INTU: variants seen among roughly 807,000 people sequenced by gnomAD.
INTU encodes protein inturned.
INTU carries 68 observed loss-of-function variants against 100.5 expected under a neutral mutation model. That is an observed-to-expected ratio of 0.68 (90% CI 0.56 to 0.83). INTU has a LOEUF of 0.83. INTU is among the 40% of genes least tolerant of loss of function. The probability of loss-of-function intolerance (pLI) is 0.00; values close to 1 mark genes in which losing one functional copy is unlikely to be tolerated. For missense variants in INTU, 1,071 were observed against 1,114.7 expected, an observed-to-expected ratio of 0.96 and a Z score of 0.56; for synonymous variants, 357 against 395.7, an observed-to-expected ratio of 0.90 and a Z score of 1.16.
chr4:127,709,430 C>T (rs1043826022), intron 13 of INTU, among the ~76,000 whole-genome samples: 1 of 152,148 alleles, frequency 6.6e-6, no homozygotes, highest in African/African-American at 2.4e-5. Context: ...TGTCCCATAA[C>T]ACTCTCTTTA....
At chr4:127,687,641 CA>C in intron 7 of INTU, 36 bp from the exon 8 acceptor site, 2 of 1,547,286 alleles carry the variant, frequency 1.3e-6, no homozygotes, top group Non-Finnish European at 1.8e-6. Context: ...CCACCATTTC[CA>C]TATGTCGTTC....
chr4:127,704,851 G>T (rs936958432), intron 10 of INTU, among the ~76,000 whole-genome samples: 4 of 151,990 alleles, frequency 2.6e-5, no homozygotes, highest in African/African-American at 9.7e-5. Flanking sequence ...ACTTTGGGGG[G>T]CCGAGGCAGG....
At chr4:127,641,025 C>G (rs1727308275) in intron 1 of INTU, among the ~76,000 whole-genome samples, 1 of 152,016 alleles carries the variant, frequency 6.6e-6, no homozygotes, top group African/African-American at 2.4e-5. Context: ...CTCTCTCTCT[C>G]TCTCCCCACC....
At chr4:127,708,204 G>T (rs1730965295) in intron 12 of INTU, among the ~76,000 whole-genome samples, 1 of 152,194 alleles carries the variant, frequency 6.6e-6, no homozygotes, top group Non-Finnish European at 1.5e-5. Context: ...AACAAAGGTT[G>T]ATTGAATACC....
chr4:127,677,130 A>T (rs1729246418), intron 6 of INTU, among the ~76,000 whole-genome samples: 1 of 152,226 alleles, frequency 6.6e-6, no homozygotes, highest in Non-Finnish European at 1.5e-5. Context: ...CCACAGCTCA[A>T]GGAGGCCTGC....
intron 2 of INTU, among the ~76,000 whole-genome samples, chr4:127,651,302 G>A (rs1388933163): frequency 2.0e-5 from 3 of 152,180 alleles, no homozygotes; most frequent in Non-Finnish European, 4.4e-5. Context: ...CCGTGCCTAT[G>A]TCTTGAATGG....
rs1731378766 is a variant in INTU at position 127,723,647 on chromosome 4, CTTTA to C, written c.*7215_*7218del. The C allele has an allele frequency of 6.6e-6, 1 of 151,688 alleles. No individual in the cohort carries two copies. Among genetic ancestry groups the C allele is most frequent in the Non-Finnish European group, 1.5e-5 (1 of 67,924 alleles). The allele number at this position is 151,688 out of a possible 1,614,324, so 9.4% of individuals were successfully genotyped here. A position where few individuals can be genotyped will look rare whatever the true frequency, so the allele number is the denominator to read the frequency against. On this transcript the variant is annotated 3_prime_UTR_variant, in exon 16 of 16. Coordinates refer to ENST00000335251, the MANE Select transcript of INTU (RefSeq NM_015693.4). ...ATGTATTTTTTAAACTATTTGTCAA[CTTTA>C]TTTTTTTTTGTTTGTTTTTGTTAAA...
intron 6 of INTU, among the ~76,000 whole-genome samples, chr4:127,674,702 G>A (rs750847385): frequency 4.6e-5 from 7 of 152,058 alleles, no homozygotes; most frequent in Non-Finnish European, 1.0e-4. Context: ...TTTTTTGTGA[G>A]TATTTTGAAG....
intron 9 of INTU, 71 bp from the exon 10 acceptor site, chr4:127,704,157 A>T: frequency 1.6e-6 from 2 of 1,266,368 alleles, no homozygotes; most frequent in Non-Finnish European, 2.3e-6. Flanking sequence ...CATTTTAACT[A>T]TTATAGCTTA....
intron 8 of INTU, among the ~76,000 whole-genome samples, chr4:127,697,712 G>T (rs1053964608): frequency 2.6e-5 from 4 of 152,058 alleles, no homozygotes; most frequent in African/African-American, 2.4e-5. Context: ...TTCATCTGTT[G>T]ATGAACACTT....
chr4:127,681,166 G>A (rs1729524247), intron 6 of INTU, among the ~76,000 whole-genome samples: 1 of 152,126 alleles, frequency 6.6e-6, no homozygotes, highest in Admixed American at 6.6e-5. Context: ...TCATGAAAAT[G>A]GCCATACTGC....
chr4:127,706,481 C>T lies in INTU; in HGVS notation c.1789-6C>T, dbSNP rs1331559881. 2 of 1,586,316 alleles carry T rather than the reference C, an allele frequency of 1.3e-6. No homozygotes were observed. Among genetic ancestry groups the T allele is most frequent in the South Asian group, 1.1e-5 (1 of 87,000 alleles). Reference sequence around the variant, plus strand: ...AAACCTACATTTGTAATTTTTTTCCCTATAGAAACATTATATGCTATGTGT... The same window carrying T: ...AAACCTACATTTGTAATTTTTTTCCTTATAGAAACATTATATGCTATGTGT... On this transcript the variant is annotated splice_polypyrimidine_tract_variant and splice_region_variant and intron_variant, in intron 11 of 15. Transcript: ENST00000335251.
chr4:127,663,320 G>A, intron 3 of INTU, 61 bp from the exon 4 acceptor site: 2 of 1,254,244 alleles, frequency 1.6e-6, no homozygotes, highest in South Asian at 1.3e-5. Flanking sequence ...ATCCTTCATT[G>A]TGAAAACTGC....
In INTU at chr4:127,718,244, T is replaced by C. The variant is rs2148742844; in HGVS notation, c.*1808T>C. 1 of 152,310 alleles carries C rather than the reference T, an allele frequency of 6.6e-6. No homozygotes were observed. The highest frequency in any genetic ancestry group is 1.9e-4 in the East Asian group (1 of 5,192). 9.4% of individuals were successfully genotyped at this position (152,310 alleles called of 1,614,324 possible). On this transcript the variant is annotated 3_prime_UTR_variant, in exon 16 of 16. Transcript: ENST00000335251. ...GCACCATTTATTAAATAAGGAATCC[T>C]TTCCCCATTGCTTGTTTTTCTCAGG...
At position 127,691,962 on chromosome 4, in the gene INTU, G is replaced by GTGTATATATATATATATATATA; in HGVS notation, c.1449+4096_1449+4097insGTATATATATATATATATATAT. On this transcript the variant is annotated intron_variant, in intron 8 of 15. Transcript: ENST00000335251. Reference sequence around the variant, plus strand: ...GGCGGAGTATAGTGTTCCATGGTATGTATATATATATATATATATGTCACA... The same window carrying GTGTATATATATATATATATATA: ...GGCGGAGTATAGTGTTCCATGGTATGTGTATATATATATATATATATATATATATATATATATATATGTCACA... Among the ~76,000 whole-genome samples, 772 of 98,102 alleles carry GTGTATATATATATATATATATA rather than the reference G, an allele frequency of 7.9e-3. 87 individuals carry two copies. Among genetic ancestry groups the GTGTATATATATATATATATATA allele is most frequent in the Non-Finnish European group, 0.011 (533 of 46,574 alleles). The allele number at this position is 98,102 out of a possible 152,430, so 64.4% of individuals were successfully genotyped here. A position where few individuals can be genotyped will look rare whatever the true frequency, so the allele number is the denominator to read the frequency against.
intron 8 of INTU, among the ~76,000 whole-genome samples, chr4:127,694,511 G>C (rs1730296904): frequency 6.6e-6 from 1 of 151,944 alleles, no homozygotes; most frequent in Non-Finnish European, 1.5e-5. Flanking sequence ...TCTTTTCAAA[G>C]AACCGGATTA....
chr4:127,635,779 C>T (rs1431209416), intron 1 of INTU, among the ~76,000 whole-genome samples: 1 of 152,206 alleles, frequency 6.6e-6, no homozygotes, highest in Non-Finnish European at 1.5e-5. Context: ...GCCTAAGAGT[C>T]TCCCCATGTA....
chr4:127,705,725 T>C lies in INTU; in HGVS notation c.1701T>C (p.Pro567=), dbSNP rs1421929677. Reference sequence around the variant, plus strand: ...TGATCATATGGAGAGAAGTGTTTCCTCAGCATCACCTCCGACCTTTGGCAG... The same window carrying C: ...TGATCATATGGAGAGAAGTGTTTCCCCAGCATCACCTCCGACCTTTGGCAG... ...GQLIIWREVF[P]QHHLRPLADS... The change falls in exon 11 of 16, where the codon CCT becomes CCC. Residue 567 remains proline, a synonymous_variant. Coordinates refer to ENST00000335251, the MANE Select transcript of INTU (RefSeq NM_015693.4). 1 of 1,614,064 alleles carries C rather than the reference T, an allele frequency of 6.2e-7. No homozygotes were observed. The highest frequency in any genetic ancestry group is 1.7e-5 in the Admixed American group (1 of 60,008).
chr4:127,704,885 C>T (rs78525491), intron 10 of INTU, among the ~76,000 whole-genome samples: 5,350 of 151,890 alleles, frequency 0.035, 291 homozygotes, highest in African/African-American at 0.12. Context: ...GTCAGGAGTT[C>T]GAGATCAGCC....
Sources: allele counts gnomAD v4.1 joint callset (sites outside exome capture counted in the v4.1 genomes callset), GRCh38; gene constraint gnomAD v4.1.1; transcripts MANE v1.5; gene names NCBI Gene and HGNC (gene_info 2026-07-23, HGNC 2026-07-21).